Variants in KIAA0232 observed in about 807,000 individuals in gnomAD.
KIAA0232 encodes the protein KIAA0232, also known as uncharacterized protein KIAA0232.
KIAA0232 carries 27 observed loss-of-function variants against 122.0 expected under a neutral mutation model. The ratio of observed to expected loss-of-function variants is 0.22; its 90% CI spans 0.16 to 0.31. The LOEUF is 0.31. KIAA0232 is among the 10% of genes least tolerant of loss of function. KIAA0232 has a pLI of 1.00. For missense variants in KIAA0232, 1,551 were observed against 1,634.2 expected, an observed-to-expected ratio of 0.95 and a Z score of 0.88; for synonymous variants, 613 against 587.6, an observed-to-expected ratio of 1.04 and a Z score of -0.63.
chr4:6,807,110 A>G (rs760444102), intron 2 of KIAA0232, among the ~76,000 whole-genome samples: 8 of 151,760 alleles, frequency 5.3e-5, no homozygotes, highest in African/African-American at 1.2e-4. Flanking sequence ...ATGTTGCCCA[A>G]GTTGGCCCTG....
rs77398188 is a variant in KIAA0232 at position 6,836,317 on chromosome 4, T to G, written c.232-5750T>G. Reference sequence around the variant, plus strand: ...CTTTGCCCACTTTTTGATGGGGTTGTTTGTTTGTTTTTTGTTTTGTTTTTT... The same window carrying G: ...CTTTGCCCACTTTTTGATGGGGTTGGTTGTTTGTTTTTTGTTTTGTTTTTT... On this transcript the variant is annotated intron_variant, in intron 3 of 9. Coordinates refer to ENST00000307659, the MANE Select transcript of KIAA0232 (RefSeq NM_014743.3). Among the ~76,000 whole-genome samples the G allele has an allele frequency of 6.1e-4, 93 of 151,280 alleles. 1 individual carries two copies. In the East Asian group the frequency reaches 0.012, roughly 19 times the overall value.
intron 1 of KIAA0232, among the ~76,000 whole-genome samples, chr4:6,787,086 C>T (rs1203264314): frequency 6.8e-6 from 1 of 146,004 alleles, no homozygotes; most frequent in Non-Finnish European, 1.5e-5. Flanking sequence ...GAGGCTGAGG[C>T]AGTAGAATCT....
At chr4:6,843,285 G>A (rs1005234455) in intron 4 of KIAA0232, among the ~76,000 whole-genome samples, 8 of 152,172 alleles carry the variant, frequency 5.3e-5, no homozygotes, top group Non-Finnish European at 8.8e-5. Context: ...GATGCAAGGC[G>A]AAATTGAGTG....
chr4:6,804,298 C>T (rs973066243), intron 1 of KIAA0232, among the ~76,000 whole-genome samples: 15 of 152,190 alleles, frequency 9.9e-5, no homozygotes, highest in African/African-American at 3.1e-4. Flanking sequence ...TGTTCTGGTA[C>T]ATGAACACTA....
At chr4:6,866,766 G>A (rs1034221814) in intron 7 of KIAA0232, among the ~76,000 whole-genome samples, 2 of 152,202 alleles carry the variant, frequency 1.3e-5, no homozygotes, top group Admixed American at 1.3e-4. Context: ...CATTTAGTGA[G>A]TACCTGTTTA....
chr4:6,813,799 C>T (rs905968934), intron 2 of KIAA0232, among the ~76,000 whole-genome samples: 2 of 152,044 alleles, frequency 1.3e-5, no homozygotes, highest in Non-Finnish European at 2.9e-5. Flanking sequence ...TGGTTATAAA[C>T]TCTCATGCCC....
intron 2 of KIAA0232, among the ~76,000 whole-genome samples, chr4:6,811,747 A>ATTTTTTT (rs10709832): frequency 1.9e-5 from 2 of 103,924 alleles, no homozygotes; most frequent in Non-Finnish European, 1.9e-5. Flanking sequence ...GCCTGGCCTA[A>ATTTTTTT]TTTTTTTTTT....
At position 6,881,191 on chromosome 4, in the gene KIAA0232, A is replaced by C. The variant is rs1000370383; in HGVS notation, c.*225A>C. 12 of 384,648 alleles carry C rather than the reference A, an allele frequency of 3.1e-5. No individual in the cohort carries two copies. 23.8% of individuals were successfully genotyped at this position (384,648 alleles called of 1,614,324 possible). A position where few individuals can be genotyped will look rare whatever the true frequency, so the allele number is the denominator to read the frequency against. On this transcript the variant is annotated 3_prime_UTR_variant, in exon 10 of 10. Coordinates refer to ENST00000307659, the MANE Select transcript of KIAA0232 (RefSeq NM_014743.3). ...TTAAATTCTTGGCTATTTGAAATAG[A>C]CTAGATTGTGTTGTCAAATCAAGAA...
At position 6,842,343 on chromosome 4, in the gene KIAA0232, C is replaced by G. The variant is rs545832297; in HGVS notation, c.369+139C>G. 102 of 814,824 alleles carry G rather than the reference C, an allele frequency of 1.3e-4. No individual in the cohort carries two copies. The African/African-American group carries it at 1.7e-3, about 13-fold the overall frequency. The allele number at this position is 814,824 out of a possible 1,614,324, so 50.5% of individuals were successfully genotyped here. On this transcript the variant is annotated intron_variant, in intron 4 of 9. Transcript: ENST00000307659. ...TTACCAAGTAACATGAACATTACCA[C>G]TTTTCCTTTATGGTATTTTTCTATA...
intron 1 of KIAA0232, 62 bp downstream of exon 1, chr4:6,782,903 G>A (rs1266204885): frequency 1.3e-5 from 2 of 150,572 alleles, no homozygotes; most frequent in Admixed American, 6.6e-5. Context: ...GGTGGGCGCG[G>A]GCCGGGGAGG....
chr4:6,871,713 ATTGCAAT>A (rs776292703), intron 8 of KIAA0232, 31 bp downstream of exon 8: 2 of 1,260,972 alleles, frequency 1.6e-6, no homozygotes, highest in African/African-American at 3.0e-5. Flanking sequence ...TCATTTATTC[ATTGCAAT>A]TTGTAATTTG....
At chr4:6,837,134 CT>C (rs1719341525) in intron 3 of KIAA0232, among the ~76,000 whole-genome samples, 2 of 150,116 alleles carry the variant, frequency 1.3e-5, no homozygotes, top group South Asian at 4.2e-4. Flanking sequence ...CGGGCGGGGG[CT>C]GCCCCCCACC....
At chr4:6,822,101 A>T (rs532221326) in intron 2 of KIAA0232, among the ~76,000 whole-genome samples, 1 of 152,084 alleles carries the variant, frequency 6.6e-6, no homozygotes, top group Non-Finnish European at 1.5e-5. Context: ...ACGTCTCCAG[A>T]ATTGAGTGTG....
At chr4:6,817,650 C>T (rs1409199829) in intron 2 of KIAA0232, among the ~76,000 whole-genome samples, 1 of 152,134 alleles carries the variant, frequency 6.6e-6, no homozygotes, top group East Asian at 1.9e-4. Flanking sequence ...GCTTATTGCA[C>T]CTTTTCTGTG....
chr4:6,838,933 A>G (rs1401160916), intron 3 of KIAA0232, among the ~76,000 whole-genome samples: 2 of 152,206 alleles, frequency 1.3e-5, no homozygotes, highest in Non-Finnish European at 1.5e-5. Flanking sequence ...GTTCAAGACC[A>G]GCCCAGCCAA....
Position 6,863,078 on chromosome 4 carries a change from C to G in KIAA0232, c.2696C>G (p.Ala899Gly). 6.2e-7 allele frequency: 1 copy of G among 1,614,230 alleles called. No individual in the cohort carries two copies. Among genetic ancestry groups the G allele is most frequent in the Non-Finnish European group, 8.5e-7 (1 of 1,180,038 alleles). Residue 899 changes from alanine to glycine, a missense_variant, in exon 7 of 10, where the codon GCT (alanine) becomes GGT (glycine). By Grantham distance (60) the Ala-to-Gly change is moderately conservative (BLOSUM62 0). This residue lies in a region of KIAA0232 where 1,108 missense variants were observed against 1,154.8 expected (regional missense o/e 0.96). Coordinates refer to ENST00000307659, the MANE Select transcript of KIAA0232 (RefSeq NM_014743.3). ...QKESLEKRAF[A>G]SSELSNVDGG... ...GAGAGCCTGGAGAAAAGAGCATTTG[C>G]TTCTAGTGAGCTATCAAACGTGGAT... is the stretch of plus-strand genomic sequence containing the variant.
chr4:6,851,752 G>A (rs1290357266), intron 4 of KIAA0232, among the ~76,000 whole-genome samples: 7 of 150,434 alleles, frequency 4.7e-5, no homozygotes, highest in African/African-American at 1.5e-4. Flanking sequence ...AGCGGGGAGG[G>A]GTTTGCCTAA....
chr4:6,814,694 G>T (rs1718040297), intron 2 of KIAA0232, among the ~76,000 whole-genome samples: 1 of 152,120 alleles, frequency 6.6e-6, no homozygotes, highest in South Asian at 2.1e-4. Flanking sequence ...ACCCTGGGAA[G>T]CTGTGGGCAC....
intron 1 of KIAA0232, among the ~76,000 whole-genome samples, chr4:6,790,409 T>C (rs1398211962): frequency 4.5e-4 from 59 of 132,274 alleles, no homozygotes; most frequent in African/African-American, 1.6e-3. Flanking sequence ...TTTTTTTTTT[T>C]TTTGAGGCAG....
Sources: allele counts gnomAD v4.1 joint callset (sites outside exome capture counted in the v4.1 genomes callset), GRCh38; gene constraint gnomAD v4.1.1; regional missense constraint gnomAD v4.1.1; transcripts MANE v1.5; gene names NCBI Gene and HGNC (gene_info 2026-07-23, HGNC 2026-07-21).